RPTOR: variants seen among roughly 807,000 people sequenced by gnomAD.
RPTOR encodes the protein regulatory-associated protein of mTOR.
A neutral mutation model predicts 169.9 loss-of-function variants in RPTOR; 21 were observed. The ratio of observed to expected loss-of-function variants is 0.12; its 90% CI spans 0.09 to 0.18. The LOEUF (loss-of-function observed/expected upper bound fraction) is 0.18. RPTOR is among the 10% of genes least tolerant of loss of function. The pLI is 1.00. For synonymous variants in RPTOR, 732 were observed against 753.2 expected, an observed-to-expected ratio of 0.97 and a Z score of 0.46; for missense variants, 1,133 against 1,855.9, an observed-to-expected ratio of 0.61 and a Z score of 7.16.
chr17:80,833,794 C>T (rs995447642), intron 9 of RPTOR, among the ~76,000 whole-genome samples: 1 of 152,074 alleles, frequency 6.6e-6, no homozygotes, highest in African/African-American at 2.4e-5. Flanking sequence ...GTTCGAGACC[C>T]GCCTGACCAA....
chr17:80,961,087 C>T (rs954115683), intron 30 of RPTOR: 23 of 409,954 alleles, frequency 5.6e-5, no homozygotes, highest in Admixed American at 8.1e-5. Flanking sequence ...GGGAGCGCTG[C>T]GATGGCCGCC....
chr17:80,812,298 T>C (rs1209623736), intron 7 of RPTOR, among the ~76,000 whole-genome samples: 1 of 152,218 alleles, frequency 6.6e-6, no homozygotes, highest in African/African-American at 2.4e-5. Flanking sequence ...TCAGCTGCTT[T>C]TCTTGGTTTC....
intron 2 of RPTOR, among the ~76,000 whole-genome samples, chr17:80,630,310 T>G (rs1429023029): frequency 6.6e-6 from 1 of 151,586 alleles, no homozygotes; most frequent in Non-Finnish European, 1.5e-5. Flanking sequence ...GTCTATAGTT[T>G]AGTAAGTAGT....
At chr17:80,889,027 A>G (rs1345763089) in intron 17 of RPTOR, among the ~76,000 whole-genome samples, 2 of 152,112 alleles carry the variant, frequency 1.3e-5, no homozygotes, top group Admixed American at 1.3e-4. Context: ...GTCGTTCGTG[A>G]TCAGAGGCCT....
intron 10 of RPTOR, among the ~76,000 whole-genome samples, chr17:80,842,568 T>C (rs986862176): frequency 6.6e-6 from 1 of 152,260 alleles, no homozygotes; most frequent in African/African-American, 2.4e-5. Flanking sequence ...TTTTAGTTGC[T>C]ATGTATTTAT....
At chr17:80,554,083 ATTTG>A (rs891911776) in intron 1 of RPTOR, among the ~76,000 whole-genome samples, 2 of 149,316 alleles carry the variant, frequency 1.3e-5, no homozygotes, top group East Asian at 2.0e-4. Context: ...TTTTGTTGTT[ATTTG>A]TTTGTTTCAC....
chr17:80,755,757 AAG>A (rs1555615501), intron 6 of RPTOR, among the ~76,000 whole-genome samples: 2 of 151,174 alleles, frequency 1.3e-5, no homozygotes, highest in African/African-American at 4.9e-5. Context: ...AAAAAAAAAA[AAG>A]AAACAAAAAA....
chr17:80,813,994 G>T (rs192424736), intron 7 of RPTOR, among the ~76,000 whole-genome samples: 1 of 152,160 alleles, frequency 6.6e-6, no homozygotes, highest in South Asian at 2.1e-4. Flanking sequence ...AATTAGCTAC[G>T]TGTGGTGGCA....
At chr17:80,653,437 A>ATAAT (rs1287322409) in intron 3 of RPTOR, among the ~76,000 whole-genome samples, 1 of 152,228 alleles carries the variant, frequency 6.6e-6, no homozygotes, top group Non-Finnish European at 1.5e-5. Context: ...TATATACTGT[A>ATAAT]TAATTTAATA....
In RPTOR at chr17:80,936,688, G is replaced by A. The variant is rs1047726383; in HGVS notation, c.2920-3808G>A. Among the ~76,000 whole-genome samples the A allele has an allele frequency of 3.9e-5, 6 of 152,142 alleles. No homozygotes were observed. The highest frequency in any genetic ancestry group is 7.3e-5 in the Non-Finnish European group (5 of 68,028). On this transcript the variant is annotated intron_variant, in intron 24 of 33. Coordinates refer to ENST00000306801, the MANE Select transcript of RPTOR (RefSeq NM_020761.3). The surrounding 1 kb of genome is among the most constrained non-coding windows in gnomAD (Gnocchi z 4.1). The stretch of plus-strand genomic sequence containing the variant: ...TATCTTCCACATTTATCAAAACTCC[G>A]CCTGTACCTACAGAGGGCGAAATTC...
Position 80,900,607 on chromosome 17 carries a change from T to C in RPTOR, c.2401+6742T>C, listed in dbSNP as rs1567976865. ...CTGGGATTACAGGCATGAGCCACTG[T>C]GCTCGACTGGCCTTCTTCTTTCACA... On this transcript the variant is annotated intron_variant, in intron 20 of 33. Transcript: ENST00000306801. 3.9e-5 allele frequency among the ~76,000 whole-genome samples: 6 copies of C among 152,376 alleles called. No homozygotes were observed. In the East Asian group the frequency reaches 9.6e-4, roughly 24 times the overall value.
intron 1 of RPTOR, among the ~76,000 whole-genome samples, chr17:80,622,387 T>C (rs921472425): frequency 2.0e-5 from 3 of 152,222 alleles, no homozygotes; most frequent in Non-Finnish European, 2.9e-5. Context: ...TATACAATAA[T>C]TGGGATTTGG....
At chr17:80,589,448 T>C (rs577359737) in intron 1 of RPTOR, among the ~76,000 whole-genome samples, 157 of 152,296 alleles carry the variant, frequency 1.0e-3, no homozygotes, top group Middle Eastern at 3.4e-3. Flanking sequence ...TGCATTTCCA[T>C]AGAAATTTTA....
intron 21 of RPTOR, among the ~76,000 whole-genome samples, chr17:80,919,871 A>G (rs7215994): frequency 0.41 from 62,846 of 152,166 alleles, 14,057 homozygotes; most frequent in African/African-American, 0.6. Context: ...CCTAGAGGGC[A>G]TGTTTGCACA....
At position 80,754,864 on chromosome 17, in the gene RPTOR, A is replaced by T. The variant is rs2066664354; in HGVS notation, c.830+679A>T. ...TATGTCGTGGCTGTTACCGGCTAGT[A>T]GATAAATACCTCTCCCTTGAGGTGC... On this transcript the variant is annotated intron_variant, in intron 6 of 33. Transcript: ENST00000306801. The surrounding 1 kb of genome is among the most constrained non-coding windows in gnomAD (Gnocchi z 4.2). 6.6e-6 allele frequency among the ~76,000 whole-genome samples: 1 copy of T among 152,214 alleles called. No individual in the cohort carries two copies. Among genetic ancestry groups the T allele is most frequent in the African/African-American group, 2.4e-5 (1 of 41,454 alleles).
At chr17:80,700,803 T>TG in intron 3 of RPTOR, among the ~76,000 whole-genome samples, 3 of 146,482 alleles carry the variant, frequency 2.0e-5, no homozygotes, top group Admixed American at 6.7e-5. Context: ...GTGGTGATGA[T>TG]GATGGTGGTG....
chr17:80,566,103 G>GCT (rs2084586113), intron 1 of RPTOR, among the ~76,000 whole-genome samples: 1 of 152,226 alleles, frequency 6.6e-6, no homozygotes. Flanking sequence ...TGGTTCCACG[G>GCT]CTCTCTACCT....
Position 80,911,820 on chromosome 17 carries a change from A to G in RPTOR, c.2520+2891A>G, listed in dbSNP as rs181942752. 7.2e-5 allele frequency among the ~76,000 whole-genome samples: 11 copies of G among 152,330 alleles called. 2 individuals carry two copies. The highest frequency in any genetic ancestry group is 2.4e-4 in the African/African-American group (10 of 41,574). On this transcript the variant is annotated intron_variant, in intron 21 of 33. Transcript: ENST00000306801. ...GTTTAAAAATATATGTTTGTTACAC[A>G]TTATGGTCTGAGACCAAGAAGGGGA... is the stretch of plus-strand genomic sequence containing the variant.
chr17:80,745,355 A>G (rs1429344036), intron 5 of RPTOR, among the ~76,000 whole-genome samples: 1 of 152,340 alleles, frequency 6.6e-6, no homozygotes, highest in East Asian at 1.9e-4. Context: ...TTGGAAGGGC[A>G]GGCTGGAGGC....
Sources: gnomAD v4.1 joint callset for allele counts (sites outside exome capture counted in the v4.1 genomes callset) on GRCh38, gnomAD v4.1.1 for gene constraint, Gnocchi (gnomAD v3.1) non-coding constraint, MANE v1.5 for transcripts, NCBI Gene and HGNC (gene_info 2026-07-23, HGNC 2026-07-21) for gene names.